Variants in ANK2 observed in about 807,000 individuals in gnomAD.
ANK2 encodes ankyrin 2, also known as ankyrin-2.
ANK2 carries 83 observed loss-of-function variants against 360.5 expected under a neutral mutation model. That is an observed-to-expected ratio of 0.23 (90% CI 0.19 to 0.28). The LOEUF (loss-of-function observed/expected upper bound fraction) is 0.28. ANK2 is among the 10% of genes least tolerant of loss of function. The pLI, the probability that ANK2 is intolerant of heterozygous loss-of-function variation, is 1.00. For synonymous variants in ANK2, 1,740 were observed against 1,759.5 expected, an observed-to-expected ratio of 0.99 and a Z score of 0.28; for missense variants, 4,201 against 4,795.7, an observed-to-expected ratio of 0.88 and a Z score of 3.66.
intron 1 of ANK2, among the ~76,000 whole-genome samples, chr4:113,054,639 A>G (rs1339884877): frequency 6.6e-6 from 1 of 152,116 alleles, no homozygotes; most frequent in Non-Finnish European, 1.5e-5. Flanking sequence ...TAATATCCCT[A>G]TTTCTTCAGT....
intron 1 of ANK2, among the ~76,000 whole-genome samples, chr4:112,892,280 C>T (rs938216269): frequency 4.6e-5 from 7 of 152,208 alleles, no homozygotes; most frequent in African/African-American, 1.7e-4. Context: ...GGAAATAGCC[C>T]TGTCATGCCA....
chr4:112,869,072 C>T (rs139697735), intron 1 of ANK2, among the ~76,000 whole-genome samples: 3 of 152,066 alleles, frequency 2.0e-5, no homozygotes, highest in East Asian at 1.9e-4. Flanking sequence ...GCAACCCTCC[C>T]GCTTAGTTCC....
chr4:112,772,318 G>T, the ANK2 span, among the ~76,000 whole-genome samples: 1 of 152,238 alleles, frequency 6.6e-6, no homozygotes, highest in South Asian at 2.1e-4. Context: ...GATCTCGTGA[G>T]ACTTATTTAC....
At chr4:113,001,146 A>G (rs542141125) in intron 2 of ANK2, among the ~76,000 whole-genome samples, 1 of 152,136 alleles carries the variant, frequency 6.6e-6, no homozygotes, top group South Asian at 2.1e-4. Flanking sequence ...AGCTTGGCCA[A>G]TTGGCAAAAC....
At chr4:112,775,576 T>G in the ANK2 span, among the ~76,000 whole-genome samples, 3 of 124,236 alleles carry the variant, frequency 2.4e-5, no homozygotes, top group African/African-American at 8.2e-5. Context: ...TTAAGATTTC[T>G]AGGCTAATAG....
chr4:113,231,000 C>T (rs1404256374), intron 4 of ANK2, among the ~76,000 whole-genome samples: 1 of 151,378 alleles, frequency 6.6e-6, no homozygotes, highest in Non-Finnish European at 1.5e-5. Flanking sequence ...CCATATAAAC[C>T]ATGCTGCCTC....
At chr4:113,159,916 C>T (rs1312329595) in intron 1 of ANK2, among the ~76,000 whole-genome samples, 1 of 152,030 alleles carries the variant, frequency 6.6e-6, no homozygotes. Context: ...GCCACTGCAC[C>T]TGGCCTATAG....
rs147223920 is a variant in ANK2 at position 113,146,665 on chromosome 4, G to A, written c.85-27751G>A. Among the ~76,000 whole-genome samples the A allele has an allele frequency of 7.6e-3, 1,112 of 145,470 alleles. 12 individuals are homozygous for A. Among genetic ancestry groups the A allele is most frequent in the African/African-American group, 0.028 (1,052 of 38,206 alleles). On this transcript the variant is annotated intron_variant, in intron 1 of 45. Coordinates refer to ENST00000357077, the MANE Select transcript of ANK2 (RefSeq NM_001148.6). ...TGTGTTCCTTAAAATGGGTACAAAG[G>A]CTTATTGTGATTTTTTTTTTTTGGC... is the stretch of plus-strand genomic sequence containing the variant.
intron 2 of ANK2, among the ~76,000 whole-genome samples, chr4:112,959,382 G>C (rs2033446311): frequency 6.6e-6 from 1 of 152,150 alleles, no homozygotes; most frequent in Admixed American, 6.5e-5. Context: ...GTTATTTTCT[G>C]AATGAAGCAG....
the ANK2 span, among the ~76,000 whole-genome samples, chr4:112,787,724 G>T: frequency 2.0e-5 from 3 of 152,170 alleles, no homozygotes; most frequent in Non-Finnish European, 4.4e-5. Context: ...ACTGTCATGG[G>T]TAGGCAGTTC....
At chr4:112,780,259 A>G in the ANK2 span, among the ~76,000 whole-genome samples, 1 of 152,150 alleles carries the variant, frequency 6.6e-6, no homozygotes, top group African/African-American at 2.4e-5. Flanking sequence ...CAAGGCTGAC[A>G]GGAAATGAAT....
intron 5 of ANK2, among the ~76,000 whole-genome samples, chr4:113,234,704 A>G (rs1444154611): frequency 2.6e-5 from 4 of 152,244 alleles, no homozygotes; most frequent in African/African-American, 7.2e-5. Flanking sequence ...AAAATTAATG[A>G]CTAATCAAGA....
At chr4:113,003,550 G>A (rs2154288154) in intron 2 of ANK2, among the ~76,000 whole-genome samples, 1 of 152,270 alleles carries the variant, frequency 6.6e-6, no homozygotes, top group Non-Finnish European at 1.5e-5. Context: ...ACAAATCAAT[G>A]CAACAGAAGA....
chr4:112,938,912 A>G (rs532353697), intron 2 of ANK2, among the ~76,000 whole-genome samples: 2 of 152,364 alleles, frequency 1.3e-5, no homozygotes, highest in African/African-American at 2.4e-5. Context: ...AATCTAGAAC[A>G]GTACCTGCCA....
chr4:113,061,147 G>A (rs1480367796), intron 1 of ANK2, among the ~76,000 whole-genome samples: 2 of 152,074 alleles, frequency 1.3e-5, no homozygotes. Context: ...TAGGAGGTCT[G>A]TTCCATCTGG....
chr4:113,326,537 T>A (rs1012130236), intron 26 of ANK2, among the ~76,000 whole-genome samples: 7 of 152,202 alleles, frequency 4.6e-5, no homozygotes, highest in African/African-American at 1.7e-4. Flanking sequence ...TTAGCTTTTT[T>A]ATATCTTCCA....
intron 41 of ANK2, 91 bp from the exon 42 acceptor site, chr4:113,367,475 A>AT (rs979222562): frequency 8.1e-5 from 101 of 1,250,758 alleles, no homozygotes; most frequent in Middle Eastern, 2.4e-4. Flanking sequence ...TTATCTTCTT[A>AT]TTTTTTTTAT....
the ANK2 span, among the ~76,000 whole-genome samples, chr4:112,784,661 T>C: frequency 3.3e-5 from 5 of 152,182 alleles, no homozygotes; most frequent in African/African-American, 7.2e-5. Context: ...TCTTAAACTC[T>C]TGGGCACAAG....
At chr4:112,772,377 T>G in the ANK2 span, among the ~76,000 whole-genome samples, 1 of 152,140 alleles carries the variant, frequency 6.6e-6, no homozygotes, top group Non-Finnish European at 1.5e-5. Context: ...TCAATTATCT[T>G]CCACCAGGTC....
Sources: gnomAD v4.1 joint callset for allele counts (sites outside exome capture counted in the v4.1 genomes callset) on GRCh38, gnomAD v4.1.1 for gene constraint, MANE v1.5 for transcripts, NCBI Gene and HGNC (gene_info 2026-07-23, HGNC 2026-07-21) for gene names.